The following FBLN7 variants were observed in gnomAD, a reference collection of about 807,000 sequenced individuals.
FBLN7 encodes fibulin-7.
In FBLN7, 31 loss-of-function variants were observed where a neutral mutation model predicts 44.0. The observed-to-expected ratio is 0.70, with a 90% CI of 0.53 to 0.95. The LOEUF (loss-of-function observed/expected upper bound fraction) is 0.95, where lower values mean the gene tolerates loss of function less well. FBLN7 is among the 40% of genes least tolerant of loss of function. The probability of loss-of-function intolerance (pLI) is 0.00; values close to 1 mark genes in which losing one functional copy is unlikely to be tolerated. For missense variants in FBLN7, 573 were observed against 618.5 expected (o/e 0.93, Z 0.78); for synonymous variants, 262 against 253.4 (o/e 1.03, Z -0.32).
chr2:112,157,406 A>G (rs1681486202), intron 1 of FBLN7, among the ~76,000 whole-genome samples: 2 of 152,040 alleles, frequency 1.3e-5, no homozygotes, highest in African/African-American at 2.4e-5. Flanking sequence ...AACATAATCC[A>G]TAAGCCTATC....
intron 1 of FBLN7, among the ~76,000 whole-genome samples, chr2:112,155,540 C>G (rs966295253): frequency 3.3e-5 from 5 of 152,370 alleles, no homozygotes; most frequent in African/African-American, 1.2e-4. Flanking sequence ...TGGGCCACAG[C>G]CTCCTCACCT....
chr2:112,233,493 G>A, the FBLN7 span: 1 of 667,258 alleles, frequency 1.5e-6, no homozygotes, highest in Non-Finnish European at 2.6e-6. Flanking sequence ...CTTAGAGGTA[G>A]CACATTCTAA....
the FBLN7 span, among the ~76,000 whole-genome samples, chr2:112,201,586 C>T: frequency 6.6e-6 from 1 of 152,176 alleles, no homozygotes; most frequent in African/African-American, 2.4e-5. Flanking sequence ...CCCTCCAGAA[C>T]TGCAGGCAGT....
the FBLN7 span, chr2:112,238,223 T>C: frequency 1.6e-6 from 2 of 1,270,624 alleles, no homozygotes; most frequent in Non-Finnish European, 2.2e-6. Context: ...TATCATAAGA[T>C]AAAGTGCAAA....
At chr2:112,194,567 C>G in the FBLN7 span, among the ~76,000 whole-genome samples, 1 of 152,330 alleles carries the variant, frequency 6.6e-6, no homozygotes, top group East Asian at 1.9e-4. Flanking sequence ...ATTGTTACCT[C>G]CACCATACTC....
At chr2:112,197,288 G>C in the FBLN7 span, among the ~76,000 whole-genome samples, 545 of 145,194 alleles carry the variant, frequency 3.8e-3, 3 homozygotes, top group African/African-American at 0.013. Flanking sequence ...GAGAGAGAGA[G>C]AGAGAGAGAG....
At chr2:112,182,961 A>G (rs375997636) in intron 6 of FBLN7, 33 bp downstream of exon 6, 2 of 1,606,518 alleles carry the variant, frequency 1.2e-6, no homozygotes, top group Non-Finnish European at 1.7e-6. Context: ...GTCTGCACCC[A>G]GCCACCTGCT....
the FBLN7 span, among the ~76,000 whole-genome samples, chr2:112,204,357 C>T: frequency 6.6e-6 from 1 of 150,554 alleles, no homozygotes; most frequent in Non-Finnish European, 1.5e-5. Context: ...TAATAAGCAT[C>T]TCAGAAGGAG....
At chr2:112,212,260 A>G in the FBLN7 span, 1 of 152,154 alleles carries the variant, frequency 6.6e-6, no homozygotes, top group African/African-American at 2.4e-5. Flanking sequence ...TCAAAACCCA[A>G]TCATCTCCCA....
At chr2:112,153,838 C>T (rs1558874025) in intron 1 of FBLN7, among the ~76,000 whole-genome samples, 1 of 152,218 alleles carries the variant, frequency 6.6e-6, no homozygotes, top group Non-Finnish European at 1.5e-5. Flanking sequence ...GGAGTAAACA[C>T]TGTGCGAGAA....
At chr2:112,142,920 CTGTG>C (rs1482704993) in intron 1 of FBLN7, among the ~76,000 whole-genome samples, 2 of 151,622 alleles carry the variant, frequency 1.3e-5, no homozygotes, top group Non-Finnish European at 2.9e-5. Flanking sequence ...CATATCTGTG[CTGTG>C]TGTGTGATTG....
At chr2:112,223,341 T>C in the FBLN7 span, among the ~76,000 whole-genome samples, 2 of 152,174 alleles carry the variant, frequency 1.3e-5, no homozygotes, top group Non-Finnish European at 1.5e-5. Flanking sequence ...TGTATTAATT[T>C]AGATGTAATG....
Position 112,159,191 on chromosome 2 carries a change from GT to G in FBLN7, c.76-474del, listed in dbSNP as rs5833433. 7.6e-4 allele frequency among the ~76,000 whole-genome samples: 112 copies of G among 147,496 alleles called. No homozygotes were observed. In the East Asian group the frequency reaches 0.01, roughly 14 times the overall value. On this transcript the variant is annotated intron_variant, in intron 1 of 7. Coordinates refer to ENST00000331203, the MANE Select transcript of FBLN7 (RefSeq NM_153214.3). Reference sequence around the variant, plus strand: ...TTGAATGCCTCTTTAACTCTAGTGAGTTTTTTTTTTTCTTATTTCCCATGTT... The same window carrying G: ...TTGAATGCCTCTTTAACTCTAGTGAGTTTTTTTTTTCTTATTTCCCATGTT...
chr2:112,170,567 A>G (rs1682408310), intron 3 of FBLN7, among the ~76,000 whole-genome samples: 1 of 151,772 alleles, frequency 6.6e-6, no homozygotes, highest in Admixed American at 6.6e-5. Context: ...AAGGAAGGAG[A>G]ATGAGCAAAG....
At chr2:112,182,959 C>G in intron 6 of FBLN7, 31 bp downstream of exon 6, 1 of 1,606,806 alleles carries the variant, frequency 6.2e-7, no homozygotes, top group African/African-American at 1.3e-5. Flanking sequence ...TCGTCTGCAC[C>G]CAGCCACCTG....
chr2:112,239,146 C>T, the FBLN7 span, among the ~76,000 whole-genome samples: 1 of 152,198 alleles, frequency 6.6e-6, no homozygotes, highest in Non-Finnish European at 1.5e-5. Context: ...TCTGTTGTTG[C>T]ACGTGCCCAA....
chr2:112,156,888 C>T (rs1010725612), intron 1 of FBLN7, among the ~76,000 whole-genome samples: 13 of 152,084 alleles, frequency 8.5e-5, no homozygotes, highest in Non-Finnish European at 7.4e-5. Flanking sequence ...CCTGGGAGAG[C>T]GGCAGTGGCT....
At chr2:112,206,408 T>C in the FBLN7 span, among the ~76,000 whole-genome samples, 1 of 152,220 alleles carries the variant, frequency 6.6e-6, no homozygotes, top group South Asian at 2.1e-4. Flanking sequence ...TACAGTTTCA[T>C]TGATCTCTAC....
intron 5 of FBLN7, 199 bp downstream of exon 5, chr2:112,182,075 G>A: frequency 1.5e-6 from 1 of 681,196 alleles, no homozygotes; most frequent in Non-Finnish European, 2.3e-6. Context: ...ATCAGAGCTC[G>A]CCCCGCCTCA....
Sources: allele counts gnomAD v4.1 joint callset (sites outside exome capture counted in the v4.1 genomes callset), GRCh38; gene constraint gnomAD v4.1.1; transcripts MANE v1.5; gene names NCBI Gene and HGNC (gene_info 2026-07-23, HGNC 2026-07-21).